Variants in ATXN7L1 observed in about 807,000 individuals in gnomAD.
ATXN7L1 encodes the protein ataxin-7-like protein 1.
In ATXN7L1, 15 loss-of-function variants were observed where a neutral mutation model predicts 70.8. The observed-to-expected ratio is 0.21, with a 90% CI of 0.14 to 0.33. The LOEUF (loss-of-function observed/expected upper bound fraction) is 0.33. ATXN7L1 is among the 10% of genes least tolerant of loss of function. The pLI is 1.00. For synonymous variants in ATXN7L1, 440 were observed against 445.1 expected (o/e 0.99, Z 0.14); for missense variants, 975 against 1,097.1 (o/e 0.89, Z 1.57).
At chr7:105,812,574 C>T (rs1272213971) in intron 2 of ATXN7L1, among the ~76,000 whole-genome samples, 1 of 152,178 alleles carries the variant, frequency 6.6e-6, no homozygotes. Context: ...CAAAGCAGGA[C>T]AGGGGCAGGA....
chr7:105,628,486 T>C (rs1796073370), intron 7 of ATXN7L1, among the ~76,000 whole-genome samples: 1 of 152,100 alleles, frequency 6.6e-6, no homozygotes, highest in Non-Finnish European at 1.5e-5. Context: ...CTTACACTTA[T>C]AATACATAAA....
At chr7:105,679,292 C>T in intron 3 of ATXN7L1, 1 of 323,648 alleles carries the variant, frequency 3.1e-6, no homozygotes, top group Non-Finnish European at 4.4e-6. Context: ...CTGAACCACA[C>T]ACACAAGGTG....
intron 2 of ATXN7L1, among the ~76,000 whole-genome samples, chr7:105,874,531 C>A (rs212425): frequency 0.98 from 150,050 of 152,374 alleles, 73,901 homozygotes; most frequent in East Asian, 1. Context: ...CTGAAGACAC[C>A]TGTCAAGATC....
chr7:105,837,313 T>G (rs574896912), intron 2 of ATXN7L1, among the ~76,000 whole-genome samples: 1 of 152,298 alleles, frequency 6.6e-6, no homozygotes, highest in East Asian at 1.9e-4. Context: ...TTCTGATTCC[T>G]TCCTACTTCT....
At chr7:105,727,769 T>TATATATA (rs1554442546) in intron 3 of ATXN7L1, among the ~76,000 whole-genome samples, 28 of 120,272 alleles carry the variant, frequency 2.3e-4, no homozygotes, top group African/African-American at 8.0e-4. Flanking sequence ...TATATATATA[T>TATATATA]ATATATATAC....
intron 10 of ATXN7L1, among the ~76,000 whole-genome samples, chr7:105,611,532 C>A (rs1336622795): frequency 6.6e-6 from 1 of 152,146 alleles, no homozygotes; most frequent in Non-Finnish European, 1.5e-5. Flanking sequence ...CCACCCCACC[C>A]AGCTAATTTT....
chr7:105,671,104 C>CAAAAAAAAAAAAAAAAAAAAAAAA (rs71155469), intron 3 of ATXN7L1, among the ~76,000 whole-genome samples: 2 of 89,706 alleles, frequency 2.2e-5, no homozygotes, highest in African/African-American at 8.1e-5. Context: ...GACTACGTCT[C>CAAAAAAAAAAAAAAAAAAAAAAAA]AAAAAAAAAA....
intron 2 of ATXN7L1, among the ~76,000 whole-genome samples, chr7:105,796,286 C>T (rs887334369): frequency 4.6e-5 from 7 of 152,152 alleles, no homozygotes; most frequent in South Asian, 2.1e-4. Flanking sequence ...TAGCTTGAAC[C>T]GTGAGGCGGA....
intron 7 of ATXN7L1, among the ~76,000 whole-genome samples, chr7:105,629,757 A>T (rs1028118262): frequency 2.0e-5 from 3 of 151,922 alleles, no homozygotes; most frequent in African/African-American, 7.3e-5. Context: ...ATCTCAAGTG[A>T]ACCACCCACC....
chr7:105,639,634 C>A, intron 5 of ATXN7L1, 65 bp from the exon 6 acceptor site: 1 of 1,185,354 alleles, frequency 8.4e-7, no homozygotes, highest in Non-Finnish European at 1.2e-6. Flanking sequence ...GGCATTAAGA[C>A]TACATTTTTT....
intron 2 of ATXN7L1, among the ~76,000 whole-genome samples, chr7:105,816,766 T>C (rs932920393): frequency 6.6e-6 from 1 of 152,228 alleles, no homozygotes; most frequent in Non-Finnish European, 1.5e-5. Context: ...TCTAAGGAGT[T>C]CTAAGCTAAG....
chr7:105,604,861 C>A lies in ATXN7L1; in HGVS notation c.*2991G>T, dbSNP rs1228642885. Among the ~76,000 whole-genome samples the A allele has an allele frequency of 1.3e-5, 2 of 152,116 alleles. No individual in the cohort carries two copies. The highest frequency in any genetic ancestry group is 2.9e-5 in the Non-Finnish European group (2 of 68,024). On this transcript the variant is annotated 3_prime_UTR_variant, in exon 12 of 12. Coordinates refer to ENST00000419735, the MANE Select transcript of ATXN7L1 (RefSeq NM_020725.2). ...GTTTTGTTAAAGTGCCATGGGCCGACAGCATAACAAAATATAAGGTGTAAA... is the reference window on the plus strand; with the variant it reads ...GTTTTGTTAAAGTGCCATGGGCCGAAAGCATAACAAAATATAAGGTGTAAA...
At chr7:105,689,968 C>A (rs1422733026) in intron 3 of ATXN7L1, among the ~76,000 whole-genome samples, 1 of 152,190 alleles carries the variant, frequency 6.6e-6, no homozygotes, top group Admixed American at 6.5e-5. Flanking sequence ...AAGGAAGCCT[C>A]ATCATTATTC....
At chr7:105,660,567 G>A (rs1344462495) in intron 4 of ATXN7L1, among the ~76,000 whole-genome samples, 8 of 147,352 alleles carry the variant, frequency 5.4e-5, no homozygotes, top group Middle Eastern at 3.5e-3. Flanking sequence ...CTAATTTAGC[G>A]GAAGTGACCT....
At chr7:105,805,592 C>T (rs951782056) in intron 2 of ATXN7L1, among the ~76,000 whole-genome samples, 6 of 152,144 alleles carry the variant, frequency 3.9e-5, no homozygotes, top group East Asian at 3.8e-4. Flanking sequence ...AGAGACAGGG[C>T]GAGACTCACA....
chr7:105,705,890 C>T (rs1233310172), intron 3 of ATXN7L1, among the ~76,000 whole-genome samples: 1 of 152,228 alleles, frequency 6.6e-6, no homozygotes, highest in African/African-American at 2.4e-5. Flanking sequence ...TCCACCTTAG[C>T]ACCTGGCACG....
rs1037708881 is a variant in ATXN7L1 at position 105,665,228 on chromosome 7, G to A, written c.416C>T (p.Pro139Leu). Residue 139 changes from proline to leucine, a missense_variant, in exon 4 of 12, where the codon CCC becomes CTC. Pro to Leu is a moderately conservative substitution (Grantham distance 98). Coordinates refer to ENST00000419735, the MANE Select transcript of ATXN7L1 (RefSeq NM_020725.2). ...SPSPVSPASN[P>L]RTSLVQVKTK... The stretch of plus-strand genomic sequence containing the variant: ...TTTCACCTGTACTAGTGATGTCCTG[G>A]GATTGGAGGCTGGAGACACTGGAGA... The A allele has an allele frequency of 2.6e-6, 4 of 1,551,572 alleles. No individual in the cohort carries two copies. In the African/African-American group the frequency reaches 5.5e-5, roughly 21 times the overall value.
chr7:105,606,110 C>G lies in ATXN7L1; in HGVS notation c.*1742G>C, dbSNP rs1242634777. 3 of 151,672 alleles carry G rather than the reference C, an allele frequency of 2.0e-5. No individual in the cohort carries two copies. The highest frequency in any genetic ancestry group is 7.3e-5 in the African/African-American group (3 of 41,264). 9.4% of individuals were successfully genotyped at this position (151,672 alleles called of 1,614,324 possible). A position where few individuals can be genotyped will look rare whatever the true frequency, so the allele number is the denominator to read the frequency against. ...CCCTTCAATTTGCAGTCTCTTTTCC[C>G]AAGACGTAAATAAACCAGCATATAA... On this transcript the variant is annotated 3_prime_UTR_variant, in exon 12 of 12. Coordinates refer to ENST00000419735, the MANE Select transcript of ATXN7L1 (RefSeq NM_020725.2).
At chr7:105,767,709 C>A (rs1445636484) in intron 3 of ATXN7L1, among the ~76,000 whole-genome samples, 1 of 152,206 alleles carries the variant, frequency 6.6e-6, no homozygotes, top group Non-Finnish European at 1.5e-5. Context: ...GAAGGTCATA[C>A]AGCCAGTGAA....
Sources: gnomAD v4.1 joint callset for allele counts (sites outside exome capture counted in the v4.1 genomes callset) on GRCh38, gnomAD v4.1.1 for gene constraint, MANE v1.5 for transcripts, NCBI Gene and HGNC (gene_info 2026-07-23, HGNC 2026-07-21) for gene names.